The following UVRAG variants were observed in gnomAD, a reference collection of about 807,000 sequenced individuals.
UVRAG encodes UV radiation resistance associated.
A neutral mutation model predicts 78.0 loss-of-function variants in UVRAG; 19 were observed. The ratio of observed to expected loss-of-function variants is 0.24; its 90% CI spans 0.17 to 0.36. The LOEUF is 0.36. UVRAG is among the 10% of genes least tolerant of loss of function. The pLI is 1.00. For synonymous variants in UVRAG, 323 were observed against 324.6 expected, an observed-to-expected ratio of 1.00 and a Z score of 0.05; for missense variants, 740 against 853.8, an observed-to-expected ratio of 0.87 and a Z score of 1.66.
intron 1 of UVRAG, among the ~76,000 whole-genome samples, chr11:75,833,866 G>A (rs1029554631): frequency 2.6e-5 from 4 of 152,212 alleles, no homozygotes; most frequent in African/African-American, 9.6e-5. Flanking sequence ...GTCTTTAAGT[G>A]GTTTTCCACC....
intron 13 of UVRAG, among the ~76,000 whole-genome samples, chr11:76,095,517 AT>A (rs1430728753): frequency 1.3e-5 from 2 of 150,614 alleles, no homozygotes; most frequent in Non-Finnish European, 3.0e-5. Context: ...TATATCATAT[AT>A]TCATATATAA....
chr11:76,075,865 T>G (rs1267819302), intron 13 of UVRAG, among the ~76,000 whole-genome samples: 1 of 152,202 alleles, frequency 6.6e-6, no homozygotes, highest in Non-Finnish European at 1.5e-5. Flanking sequence ...GTAACTGGCT[T>G]TATTTGCTTT....
Position 76,007,477 on chromosome 11 carries a change from T to G in UVRAG, c.912-57T>G, listed in dbSNP as rs1949967730. The G allele has an allele frequency of 3.0e-6, 4 of 1,341,610 alleles. No individual in the cohort carries two copies. The Admixed American group carries it at 5.4e-5, about 18-fold the overall frequency. 83.1% of individuals were successfully genotyped at this position (1,341,610 alleles called of 1,614,324 possible). ...TGGATTAATTGTGTGGAAATAAATG[T>G]TACAAAGCATGCAAGCATATATTTT... On this transcript the variant is annotated intron_variant, in intron 9 of 14. Transcript: ENST00000356136.
At position 75,961,482 on chromosome 11, in the gene UVRAG, T is replaced by G. The variant is rs1948910297; in HGVS notation, c.632T>G (p.Val211Gly). 1 of 1,605,248 alleles carries G rather than the reference T, an allele frequency of 6.2e-7. No individual in the cohort carries two copies. Among genetic ancestry groups the G allele is most frequent in the Non-Finnish European group, 8.5e-7 (1 of 1,178,120 alleles). ...RAQCAIKQTQ[V>G]TVQKIGKEIE... ...CAGTGTGCAATTAAACAGACTCAGG[T>G]AACTGTTCAGAAAATTGGAAAGGAA... is the stretch of plus-strand genomic sequence containing the variant. Residue 211 changes from valine to glycine, a missense_variant, in exon 7 of 15, where the codon GTA (valine) becomes GGA (glycine). Physicochemically the swap from Val to Gly is moderately radical, Grantham distance 109. Transcript: ENST00000356136.
At chr11:75,974,357 T>C (rs1427436660) in intron 7 of UVRAG, among the ~76,000 whole-genome samples, 3 of 133,536 alleles carry the variant, frequency 2.2e-5, no homozygotes, top group Admixed American at 7.2e-5. Context: ...TCTTCTTTTT[T>C]TTTTTTTTTT....
chr11:75,844,406 T>G (rs1201870567), intron 1 of UVRAG, among the ~76,000 whole-genome samples: 1 of 151,900 alleles, frequency 6.6e-6, no homozygotes. Flanking sequence ...TTTTGTATTT[T>G]TAGTAGAGAT....
chr11:76,074,492 G>A (rs1337705016), intron 13 of UVRAG, among the ~76,000 whole-genome samples: 1 of 152,174 alleles, frequency 6.6e-6, no homozygotes, highest in Non-Finnish European at 1.5e-5. Context: ...GTATTACTTT[G>A]AGGGTATATT....
chr11:76,140,781 G>T lies in UVRAG; in HGVS notation c.1468G>T (p.Val490Leu). The T allele has an allele frequency of 6.2e-7, 1 of 1,613,906 alleles. No individual in the cohort carries two copies. Among genetic ancestry groups the T allele is most frequent in the Non-Finnish European group, 8.5e-7 (1 of 1,179,924 alleles). The part of the protein sequence containing the change: ...RQSSIFGGAD[V>L]GFSGGIPSPD... ...AAGCTCCATATTTGGGGGTGCAGAT[G>T]TAGGCTTCTCTGGGGGGATCCCTTC... Residue 490 changes from valine to leucine, a missense_variant, in exon 15 of 15, where the codon GTA becomes TTA. Coordinates refer to ENST00000356136, the MANE Select transcript of UVRAG (RefSeq NM_003369.4).
chr11:75,837,325 T>TTAA (rs1945805130), intron 1 of UVRAG, among the ~76,000 whole-genome samples: 1 of 83,328 alleles, frequency 1.2e-5, no homozygotes, highest in African/African-American at 6.7e-5. Context: ...AGACTCTGTC[T>TTAA]CAAAAAAAAA....
intron 6 of UVRAG, among the ~76,000 whole-genome samples, chr11:75,915,503 C>T (rs1370178501): frequency 6.6e-6 from 1 of 152,128 alleles, no homozygotes; most frequent in Non-Finnish European, 1.5e-5. Context: ...TAATTAATAG[C>T]CAGTTTACTT....
At chr11:76,038,507 T>A (rs1040539863) in intron 12 of UVRAG, among the ~76,000 whole-genome samples, 4 of 152,228 alleles carry the variant, frequency 2.6e-5, no homozygotes, top group African/African-American at 9.7e-5. Flanking sequence ...TATTTGTAGG[T>A]TATATTAAAA....
intron 13 of UVRAG, among the ~76,000 whole-genome samples, chr11:76,078,487 T>TAC (rs1951439838): frequency 6.6e-6 from 1 of 151,880 alleles, no homozygotes; most frequent in Non-Finnish European, 1.5e-5. Context: ...ACTAGCACTT[T>TAC]ACATTTAAAT....
chr11:75,887,493 G>C (rs1947107554), intron 4 of UVRAG, among the ~76,000 whole-genome samples: 1 of 146,602 alleles, frequency 6.8e-6, no homozygotes, highest in Admixed American at 6.9e-5. Context: ...TGTCTCCCAG[G>C]CTGGAGTGCA....
chr11:76,121,344 C>G (rs1046012650), intron 14 of UVRAG, among the ~76,000 whole-genome samples: 5 of 152,200 alleles, frequency 3.3e-5, no homozygotes, highest in African/African-American at 7.2e-5. Flanking sequence ...AACTGCCAAG[C>G]AACACAATTT....
At chr11:75,913,979 T>A (rs771434733) in intron 6 of UVRAG, among the ~76,000 whole-genome samples, 7 of 152,232 alleles carry the variant, frequency 4.6e-5, no homozygotes, top group Non-Finnish European at 8.8e-5. Flanking sequence ...AACAGTGGTC[T>A]CCTCATGCCT....
At chr11:75,996,448 T>G (rs975246828) in intron 8 of UVRAG, among the ~76,000 whole-genome samples, 2 of 152,166 alleles carry the variant, frequency 1.3e-5, no homozygotes, top group East Asian at 3.8e-4. Flanking sequence ...GTGATAAATA[T>G]GTAACCGAAG....
chr11:76,009,502 G>A (rs1420130009), intron 11 of UVRAG, among the ~76,000 whole-genome samples: 1 of 151,938 alleles, frequency 6.6e-6, no homozygotes, highest in Non-Finnish European at 1.5e-5. Flanking sequence ...TAGCCAAGTG[G>A]GTTCTTTTCC....
At chr11:75,858,678 T>A (rs1946346455) in intron 2 of UVRAG, among the ~76,000 whole-genome samples, 1 of 152,224 alleles carries the variant, frequency 6.6e-6, no homozygotes, top group African/African-American at 2.4e-5. Flanking sequence ...TTGGTAGATA[T>A]TGCGAAATTG....
At chr11:76,090,094 T>TG (rs1951667651) in intron 13 of UVRAG, among the ~76,000 whole-genome samples, 1 of 152,042 alleles carries the variant, frequency 6.6e-6, no homozygotes, top group Non-Finnish European at 1.5e-5. Flanking sequence ...TTTCAACCAA[T>TG]CTCCTGACTG....
Sources: gnomAD v4.1 joint callset for allele counts (sites outside exome capture counted in the v4.1 genomes callset) on GRCh38, gnomAD v4.1.1 for gene constraint, MANE v1.5 for transcripts, NCBI Gene and HGNC (gene_info 2026-07-23, HGNC 2026-07-21) for gene names.